Variants in PIP4K2A observed in about 807,000 individuals in gnomAD.
The protein encoded by PIP4K2A is phosphatidylinositol-5-phosphate 4-kinase type 2 alpha.
PIP4K2A carries 14 observed loss-of-function variants against 42.9 expected under a neutral mutation model. The ratio of observed to expected loss-of-function variants is 0.33; its 90% CI spans 0.22 to 0.51. The LOEUF is 0.51. Among genes scored for constraint, PIP4K2A ranks in the 20% least tolerant of loss-of-function variants. The probability of loss-of-function intolerance (pLI) is 0.97; values close to 1 mark genes in which losing one functional copy is unlikely to be tolerated. For synonymous variants in PIP4K2A, 192 were observed against 192.2 expected (o/e 1.00, Z 0.01); for missense variants, 434 against 519.8 (o/e 0.83, Z 1.61).
rs148124981 is a variant in PIP4K2A, at chr10:22,640,798, G to A, written c.145-31081C>T. Among the ~76,000 whole-genome samples, 125 of 152,274 alleles carry A rather than the reference G, an allele frequency of 8.2e-4. 1 individual carries two copies. In the East Asian group the frequency reaches 0.017, roughly 20 times the overall value. On this transcript the variant is annotated intron_variant, in intron 1 of 9. Transcript: ENST00000376573. ...CTAATGCAAAGTGGAAATAAAGTGC[G>A]GATGAAACAGAGAAGCAGTTGCAGT...
At chr10:22,714,064 C>G (rs1833964341) in intron 1 of PIP4K2A, 119 bp downstream of exon 1, 4 of 1,072,520 alleles carry the variant, frequency 3.7e-6, no homozygotes, top group Middle Eastern at 2.4e-4. Context: ...GGCGAGCAGC[C>G]GGAGGTCCAG....
chr10:22,538,733 A>T (rs1175270441), intron 9 of PIP4K2A, among the ~76,000 whole-genome samples: 1 of 152,172 alleles, frequency 6.6e-6, no homozygotes, highest in African/African-American at 2.4e-5. Context: ...ATGTTTGTTT[A>T]AAAAGAGTAC....
At chr10:22,647,918 G>C (rs930595361) in intron 1 of PIP4K2A, among the ~76,000 whole-genome samples, 1 of 152,218 alleles carries the variant, frequency 6.6e-6, no homozygotes, top group Non-Finnish European at 1.5e-5. Flanking sequence ...AAAGAAATAA[G>C]ATCTTCCAAG....
chr10:22,581,509 T>C (rs1261239617), intron 4 of PIP4K2A, among the ~76,000 whole-genome samples: 3 of 138,438 alleles, frequency 2.2e-5, no homozygotes, highest in African/African-American at 8.1e-5. Flanking sequence ...GGCAGGAGGG[T>C]TGCTTTAGCC....
intron 1 of PIP4K2A, among the ~76,000 whole-genome samples, chr10:22,616,621 G>A (rs1036748419): frequency 1.3e-5 from 2 of 151,990 alleles, no homozygotes; most frequent in Admixed American, 1.3e-4. Context: ...AAGATTCCTA[G>A]CAACTTCATA....
chr10:22,608,986 T>C (rs1263777480), intron 2 of PIP4K2A, among the ~76,000 whole-genome samples: 2 of 152,232 alleles, frequency 1.3e-5, no homozygotes, highest in Non-Finnish European at 2.9e-5. Context: ...AATTAAATTA[T>C]ACATATGCAC....
chr10:22,585,473 G>A (rs565016749), intron 4 of PIP4K2A, among the ~76,000 whole-genome samples: 1 of 152,170 alleles, frequency 6.6e-6, no homozygotes, highest in Admixed American at 6.5e-5. Flanking sequence ...TTAAAATGCT[G>A]CATTTCAAAA....
At chr10:22,554,592 C>T (rs981898091) in intron 6 of PIP4K2A, among the ~76,000 whole-genome samples, 1 of 152,248 alleles carries the variant, frequency 6.6e-6, no homozygotes, top group Non-Finnish European at 1.5e-5. Flanking sequence ...CTCAGAAATG[C>T]TTCTCAGCTG....
chr10:22,601,381 CAG>C (rs1451314765), intron 3 of PIP4K2A, among the ~76,000 whole-genome samples: 1 of 152,162 alleles, frequency 6.6e-6, no homozygotes, highest in Non-Finnish European at 1.5e-5. Flanking sequence ...AGTTCATAAA[CAG>C]GACTTGAAAC....
At chr10:22,628,366 T>A (rs1029791278) in intron 1 of PIP4K2A, among the ~76,000 whole-genome samples, 2 of 152,220 alleles carry the variant, frequency 1.3e-5, no homozygotes, top group Non-Finnish European at 2.9e-5. Flanking sequence ...ATAGTATGAA[T>A]CTTGATCGTT....
chr10:22,550,897 A>G, intron 6 of PIP4K2A, 125 bp from the exon 7 acceptor site: 1 of 663,862 alleles, frequency 1.5e-6, no homozygotes, highest in South Asian at 1.8e-5. Flanking sequence ...TCACCACCAC[A>G]GGGGTCTTAC....
chr10:22,659,122 T>C (rs1321516917), intron 1 of PIP4K2A, among the ~76,000 whole-genome samples: 2 of 152,226 alleles, frequency 1.3e-5, no homozygotes, highest in Non-Finnish European at 2.9e-5. Flanking sequence ...CATGAACAGG[T>C]TGGACTGAAT....
chr10:22,550,418 C>T (rs577767096), intron 7 of PIP4K2A, among the ~76,000 whole-genome samples: 2 of 152,282 alleles, frequency 1.3e-5, no homozygotes, highest in African/African-American at 4.8e-5. Context: ...GGATTCCCAG[C>T]GGATGACAGC....
intron 7 of PIP4K2A, among the ~76,000 whole-genome samples, chr10:22,542,901 C>G (rs1011467765): frequency 2.0e-5 from 3 of 152,176 alleles, no homozygotes; most frequent in Non-Finnish European, 4.4e-5. Context: ...CTGGCTGGCT[C>G]TGCACAGGAT....
At chr10:22,620,663 C>T (rs954409100) in intron 1 of PIP4K2A, among the ~76,000 whole-genome samples, 3 of 152,194 alleles carry the variant, frequency 2.0e-5, no homozygotes, top group Non-Finnish European at 4.4e-5. Flanking sequence ...GACCTGGCAC[C>T]GGGCCCGGCA....
intron 3 of PIP4K2A, among the ~76,000 whole-genome samples, chr10:22,592,028 T>C (rs1349370803): frequency 6.6e-6 from 1 of 152,242 alleles, no homozygotes; most frequent in East Asian, 1.9e-4. Flanking sequence ...GGCTAATGTC[T>C]AGAATTATAA....
intron 1 of PIP4K2A, among the ~76,000 whole-genome samples, chr10:22,652,862 G>A (rs890489189): frequency 3.9e-5 from 6 of 152,220 alleles, no homozygotes; most frequent in Non-Finnish European, 7.3e-5. Flanking sequence ...GGGAGGCTGA[G>A]GCTTGAGGAT....
chr10:22,709,773 C>T (rs1833883409), intron 1 of PIP4K2A, among the ~76,000 whole-genome samples: 1 of 152,046 alleles, frequency 6.6e-6, no homozygotes. Flanking sequence ...GTTATAATCC[C>T]AAGTTTTAAG....
At chr10:22,594,583 A>T (rs1837590015) in intron 3 of PIP4K2A, among the ~76,000 whole-genome samples, 1 of 151,926 alleles carries the variant, frequency 6.6e-6, no homozygotes, top group South Asian at 2.1e-4. Flanking sequence ...TTTAATAGAG[A>T]CAGGGTTTTG....
Sources: allele counts gnomAD v4.1 joint callset (sites outside exome capture counted in the v4.1 genomes callset), GRCh38; gene constraint gnomAD v4.1.1; transcripts MANE v1.5; gene names NCBI Gene and HGNC (gene_info 2026-07-23, HGNC 2026-07-21).